The following KALRN variants were observed in gnomAD, a reference collection of about 807,000 sequenced individuals.
The protein encoded by KALRN is kalirin RhoGEF kinase.
Under a neutral mutation model 353.7 loss-of-function variants are expected in KALRN, and 70 were observed. The ratio of observed to expected loss-of-function variants is 0.20; its 90% confidence interval spans 0.16 to 0.24. The LOEUF (loss-of-function observed/expected upper bound fraction) is 0.24, where lower values mean the gene tolerates loss of function less well. Ranked by LOEUF, KALRN falls within the 10% of genes least tolerant of loss-of-function variation. The pLI is 1.00. For missense variants in KALRN, 2,791 were observed against 3,756.7 expected (o/e 0.74, Z 6.72); for synonymous variants, 1,391 against 1,434.8 (o/e 0.97, Z 0.69).
At chr3:124,124,398 G>A (rs1031367726) in intron 1 of KALRN, among the ~76,000 whole-genome samples, 1 of 152,230 alleles carries the variant, frequency 6.6e-6, no homozygotes, top group African/African-American at 2.4e-5. Flanking sequence ...TGCTTCCTAT[G>A]ATGAGCAAAG....
chr3:124,328,903 G>C (rs1048413400), intron 7 of KALRN, among the ~76,000 whole-genome samples: 5 of 152,076 alleles, frequency 3.3e-5, no homozygotes, highest in Admixed American at 2.0e-4. Flanking sequence ...TTTTAACTGG[G>C]GAAAAACATG....
intron 25 of KALRN, among the ~76,000 whole-genome samples, chr3:124,463,683 A>G (rs2060061742): frequency 1.3e-5 from 2 of 152,216 alleles, no homozygotes; most frequent in Admixed American, 6.5e-5. Context: ...TCAGCTCTAG[A>G]ATAGCCCTGT....
intron 1 of KALRN, among the ~76,000 whole-genome samples, chr3:124,195,744 A>T (rs1195660414): frequency 6.6e-6 from 1 of 152,190 alleles, no homozygotes; most frequent in Non-Finnish European, 1.5e-5. Flanking sequence ...TAGCAGCTGA[A>T]CATGGGGTGC....
At chr3:124,663,327 C>A (rs1442470663) in intron 45 of KALRN, among the ~76,000 whole-genome samples, 2 of 152,120 alleles carry the variant, frequency 1.3e-5, no homozygotes, top group African/African-American at 4.8e-5. Flanking sequence ...ACTTGATTGC[C>A]TCTGTAAAGA....
chr3:124,442,052 A>T lies in KALRN; in HGVS notation c.3306A>T (p.Gln1102His), dbSNP rs756323157. 6.3e-7 allele frequency: 1 copy of T among 1,597,264 alleles called. No individual in the cohort carries two copies. The highest frequency in any genetic ancestry group is 1.1e-5 in the South Asian group (1 of 89,954). The change falls in exon 19 of 60, where the codon CAA becomes CAT. Residue 1102 changes from glutamine to histidine, a missense_variant. Transcript: ENST00000682506. ...GCCACACTCGGGGACCCGAGCAACA[A>T]GTGAAAGGTCAGTGAGAGACCTGCC... ...VASHTRGPEQQVKAILSELLQ... is the reference protein window; with the variant it reads ...VASHTRGPEQHVKAILSELLQ...
At chr3:124,445,831 T>TTAA (rs1560967747) in intron 19 of KALRN, among the ~76,000 whole-genome samples, 6 of 152,202 alleles carry the variant, frequency 3.9e-5, no homozygotes, top group Non-Finnish European at 8.8e-5. Flanking sequence ...ATTGAATTAG[T>TTAA]TGCTTCTTAA....
At chr3:124,390,617 T>C (rs2089216173) in intron 11 of KALRN, among the ~76,000 whole-genome samples, 1 of 152,156 alleles carries the variant, frequency 6.6e-6, no homozygotes, top group Non-Finnish European at 1.5e-5. Flanking sequence ...GGAAAAATTA[T>C]CTTTTCAAAA....
At chr3:124,541,237 G>A (rs1391743114) in intron 33 of KALRN, among the ~76,000 whole-genome samples, 2 of 151,954 alleles carry the variant, frequency 1.3e-5, no homozygotes, top group Non-Finnish European at 2.9e-5. Context: ...ATCACTTGAG[G>A]TCAGGAGTTT....
intron 58 of KALRN, among the ~76,000 whole-genome samples, chr3:124,715,921 C>T (rs1197175328): frequency 6.6e-6 from 1 of 152,166 alleles, no homozygotes; most frequent in Non-Finnish European, 1.5e-5. Context: ...CTCACTCCAT[C>T]CTTGCACAAT....
At chr3:124,096,198 C>T (rs1444346860) in intron 1 of KALRN, 1 of 152,206 alleles carries the variant, frequency 6.6e-6, no homozygotes, top group Admixed American at 6.5e-5. Flanking sequence ...GTTGCTTAAC[C>T]TCTCTGTATC....
chr3:124,152,526 G>A, intron 1 of KALRN: 1 of 705,626 alleles, frequency 1.4e-6, no homozygotes, highest in Non-Finnish European at 2.5e-6. Flanking sequence ...CCTTGTTACA[G>A]TGCTTTTCTT....
Position 124,395,129 on chromosome 3 carries a change from C to G in KALRN, c.1963-6C>G. ...CCTGAGTGGAATCTCTGCTCTCTCTCTACAGTTGTGGACATGGATGGAAGA... is the reference window on the plus strand; with the variant it reads ...CCTGAGTGGAATCTCTGCTCTCTCTGTACAGTTGTGGACATGGATGGAAGA... On this transcript the variant is annotated splice_region_variant and splice_polypyrimidine_tract_variant and intron_variant, in intron 11 of 59. Coordinates refer to ENST00000682506, the MANE Select transcript of KALRN (RefSeq NM_001388419.1). 1.2e-6 allele frequency: 2 copies of G among 1,610,410 alleles called. No homozygotes were observed. The highest frequency in any genetic ancestry group is 2.2e-5 in the South Asian group (2 of 90,848).
rs2080463537 is a variant in KALRN, at chr3:124,330,732, G to T, written c.1416+740G>T. Among the ~76,000 whole-genome samples the T allele has an allele frequency of 3.3e-5, 5 of 152,374 alleles. No homozygotes were observed. In the South Asian group the frequency reaches 1.0e-3, roughly 32 times the overall value. On this transcript the variant is annotated intron_variant, in intron 8 of 59. Transcript: ENST00000682506. ...GAGGAAGGGGACTGAGGGATGGAGA[G>T]AGATGGGCTGATTAAGGAAGCTGGA...
At chr3:124,654,607 T>C (rs185681269) in intron 38 of KALRN, among the ~76,000 whole-genome samples, 85 of 152,308 alleles carry the variant, frequency 5.6e-4, no homozygotes, top group Non-Finnish European at 9.6e-4. Flanking sequence ...TAAAGCTCTT[T>C]AGTGTCTGGA....
chr3:124,714,073 GAAA>G (rs34464742), intron 58 of KALRN, among the ~76,000 whole-genome samples: 1 of 143,352 alleles, frequency 7.0e-6, no homozygotes, highest in African/African-American at 2.5e-5. Context: ...AAATCAGCTG[GAAA>G]AAAAAAAAAA....
chr3:124,509,635 A>G (rs1008476568), intron 33 of KALRN, among the ~76,000 whole-genome samples: 1 of 152,262 alleles, frequency 6.6e-6, no homozygotes, highest in Non-Finnish European at 1.5e-5. Flanking sequence ...ATGAAGGAAT[A>G]AGAAGTTGAC....
chr3:124,094,596 C>G, intron 1 of KALRN: 1 of 558,556 alleles, frequency 1.8e-6, no homozygotes. Context: ...CCCCTTGGGT[C>G]CAGGCAGGCT....
At position 124,308,105 on chromosome 3, in the gene KALRN, T is replaced by C. The variant is rs141968316; in HGVS notation, c.1092+9192T>C. On this transcript the variant is annotated intron_variant, in intron 6 of 59. Coordinates refer to ENST00000682506, the MANE Select transcript of KALRN (RefSeq NM_001388419.1). Reference sequence around the variant, plus strand: ...ACTTTTTAAAGAAGAAGAATGTCACTCTATCAGGAAGATGTAACAACTATA... The same window carrying C: ...ACTTTTTAAAGAAGAAGAATGTCACCCTATCAGGAAGATGTAACAACTATA... Among the ~76,000 whole-genome samples, 83 of 152,038 alleles carry C rather than the reference T, an allele frequency of 5.5e-4. 1 individual carries two copies. The East Asian group carries it at 0.013, about 24-fold the overall frequency.
At chr3:124,376,869 G>C (rs2086660572) in intron 10 of KALRN, among the ~76,000 whole-genome samples, 2 of 152,128 alleles carry the variant, frequency 1.3e-5, no homozygotes. Flanking sequence ...TTCCTTTAAA[G>C]TGAATACAAT....
Sources: allele counts gnomAD v4.1 joint callset (sites outside exome capture counted in the v4.1 genomes callset), GRCh38; gene constraint gnomAD v4.1.1; transcripts MANE v1.5; gene names NCBI Gene and HGNC (gene_info 2026-07-23, HGNC 2026-07-21).